Variants in PDE4B observed in about 807,000 individuals in gnomAD.
PDE4B encodes the protein phosphodiesterase 4B.
Under a neutral mutation model 82.2 loss-of-function variants are expected in PDE4B, and 20 were observed. That is an observed-to-expected ratio of 0.24 (90% confidence interval 0.17 to 0.35). The LOEUF (loss-of-function observed/expected upper bound fraction) is 0.35. PDE4B is among the 10% of genes least tolerant of loss of function. The probability of loss-of-function intolerance (pLI) is 1.00; values close to 1 mark genes in which losing one functional copy is unlikely to be tolerated. For synonymous variants in PDE4B, 320 were observed against 318.9 expected (o/e 1.00, Z -0.04); for missense variants, 655 against 907.2 (o/e 0.72, Z 3.57).
At chr1:66,083,697 C>A (rs2100969033) in intron 3 of PDE4B, among the ~76,000 whole-genome samples, 1 of 152,176 alleles carries the variant, frequency 6.6e-6, no homozygotes, top group East Asian at 1.9e-4. Flanking sequence ...ATACAAAAAC[C>A]TTAAATTATC....
chr1:66,195,936 A>G (rs1557625330), intron 3 of PDE4B, among the ~76,000 whole-genome samples: 1 of 150,212 alleles, frequency 6.7e-6, no homozygotes, highest in South Asian at 2.1e-4. Flanking sequence ...TTCTTCACCT[A>G]TTTTGTTAGT....
chr1:65,903,980 C>T (rs1324812683), intron 1 of PDE4B, among the ~76,000 whole-genome samples: 1 of 152,138 alleles, frequency 6.6e-6, no homozygotes, highest in Non-Finnish European at 1.5e-5. Flanking sequence ...TTATCTTCCT[C>T]TTATGAAGTC....
rs112579336 is a variant in PDE4B at position 66,319,961 on chromosome 1, T to G, written c.635-12547T>G. 3.9e-3 allele frequency among the ~76,000 whole-genome samples: 595 copies of G among 152,316 alleles called. 2 individuals are homozygous for G. Among genetic ancestry groups the G allele is most frequent in the African/African-American group, 0.014 (576 of 41,576 alleles). ...CAAAATTTGGCCCTGACCACACTAC[T>G]TTTGGAAGTTTATCCTACTCAACCC... On this transcript the variant is annotated intron_variant, in intron 7 of 16. Coordinates refer to ENST00000341517, the MANE Select transcript of PDE4B (RefSeq NM_002600.4).
intron 3 of PDE4B, among the ~76,000 whole-genome samples, chr1:66,181,289 C>A (rs1009235728): frequency 6.6e-6 from 1 of 152,098 alleles, no homozygotes; most frequent in African/African-American, 2.4e-5. Context: ...ACTTTAGATA[C>A]CCACCCTTGG....
At chr1:66,067,651 T>A (rs2100916142) in intron 3 of PDE4B, among the ~76,000 whole-genome samples, 1 of 152,272 alleles carries the variant, frequency 6.6e-6, no homozygotes. Context: ...CTGTTCACTC[T>A]GATGGTAGTT....
At position 66,243,250 on chromosome 1, in the gene PDE4B, G is replaced by GGGTCT. The variant is rs527340608; in HGVS notation, c.282-4208_282-4204dup. Among the ~76,000 whole-genome samples, 438 of 152,304 alleles carry GGGTCT rather than the reference G, an allele frequency of 2.9e-3. 2 individuals carry two copies. Among genetic ancestry groups the GGGTCT allele is most frequent in the African/African-American group, 0.01 (421 of 41,574 alleles). On this transcript the variant is annotated intron_variant, in intron 3 of 16. Transcript: ENST00000341517. The stretch of plus-strand genomic sequence containing the variant: ...GAAACAGCAGAAACACAAGGCAGTG[G>GGGTCT]GGTCTGAGGTGGGTATAGGGAAGCA...
intron 1 of PDE4B, among the ~76,000 whole-genome samples, chr1:65,813,893 C>G (rs1478340655): frequency 1.7e-4 from 18 of 103,350 alleles, no homozygotes; most frequent in Non-Finnish European, 2.0e-4. Flanking sequence ...GGCACTGCGG[C>G]AAAAAAAAAA....
chr1:66,101,482 C>T (rs1226012733), intron 3 of PDE4B, among the ~76,000 whole-genome samples: 1 of 152,218 alleles, frequency 6.6e-6, no homozygotes, highest in African/African-American at 2.4e-5. Flanking sequence ...TCCACATCCT[C>T]TCCAGCACCT....
At chr1:65,825,500 T>C (rs1646003124) in intron 1 of PDE4B, among the ~76,000 whole-genome samples, 1 of 152,170 alleles carries the variant, frequency 6.6e-6, no homozygotes, top group African/African-American at 2.4e-5. Flanking sequence ...ATCGATAGAA[T>C]CACATGTTGA....
intron 8 of PDE4B, among the ~76,000 whole-genome samples, chr1:66,346,458 T>C (rs1570741490): frequency 6.6e-6 from 1 of 152,218 alleles, no homozygotes; most frequent in Non-Finnish European, 1.5e-5. Context: ...TTTTACGGTT[T>C]AACTTAAGCA....
intron 3 of PDE4B, among the ~76,000 whole-genome samples, chr1:66,219,484 G>A (rs969580211): frequency 1.3e-5 from 2 of 152,130 alleles, no homozygotes; most frequent in Non-Finnish European, 2.9e-5. Flanking sequence ...TTCTGCCTGT[G>A]GTGTTAGAGA....
chr1:65,907,004 G>GA (rs1186463114), intron 1 of PDE4B, among the ~76,000 whole-genome samples: 5 of 152,090 alleles, frequency 3.3e-5, no homozygotes, highest in African/African-American at 1.2e-4. Context: ...TTACTTAATT[G>GA]AAAAAACTGA....
At chr1:65,976,764 G>A (rs557438018) in intron 3 of PDE4B, among the ~76,000 whole-genome samples, 6 of 152,274 alleles carry the variant, frequency 3.9e-5, no homozygotes, top group African/African-American at 1.4e-4. Flanking sequence ...GTGGTAAGAC[G>A]TGCTTGCTTC....
intron 3 of PDE4B, among the ~76,000 whole-genome samples, chr1:66,154,604 T>C (rs1265739382): frequency 1.3e-5 from 2 of 152,192 alleles, no homozygotes; most frequent in African/African-American, 2.4e-5. Context: ...CAATACATGA[T>C]CTGAAGTACC....
At chr1:65,812,643 T>G (rs749393019) in intron 1 of PDE4B, among the ~76,000 whole-genome samples, 2 of 152,210 alleles carry the variant, frequency 1.3e-5, no homozygotes, top group African/African-American at 2.4e-5. Context: ...ATGTTAATAT[T>G]TGTAGTAAAT....
At position 65,864,346 on chromosome 1, in the gene PDE4B, T is replaced by C. The variant is rs199664323; in HGVS notation, c.-70-48899T>C. 1.2e-4 allele frequency among the ~76,000 whole-genome samples: 18 copies of C among 152,216 alleles called. 1 individual carries two copies. The highest frequency in any genetic ancestry group is 3.4e-3 in the Middle Eastern group (1 of 294). ...AGAGGAGTTTGTTATTACCCACCTT[T>C]TGAAGCCTACTTCTGTCAATTCTTC... On this transcript the variant is annotated intron_variant, in intron 1 of 16. Transcript: ENST00000341517.
intron 3 of PDE4B, among the ~76,000 whole-genome samples, chr1:66,177,118 G>C (rs1412859528): frequency 6.6e-6 from 1 of 152,234 alleles, no homozygotes; most frequent in Non-Finnish European, 1.5e-5. Flanking sequence ...AGTGTGACAA[G>C]GGAGGCAGTC....
chr1:66,367,169 T>G lies in PDE4B; in HGVS notation c.1385-527T>G, dbSNP rs536278615. Among the ~76,000 whole-genome samples the G allele has an allele frequency of 2.3e-4, 35 of 152,282 alleles. No homozygotes were observed. In the South Asian group the frequency reaches 7.2e-3, roughly 32 times the overall value. ...AAAGTAGTAATGTTTAGTATCATAT[T>G]AATAGAAAGCTCTAAAAAGTGACAG... On this transcript the variant is annotated intron_variant, in intron 13 of 16. Coordinates refer to ENST00000341517, the MANE Select transcript of PDE4B (RefSeq NM_002600.4).
intron 3 of PDE4B, among the ~76,000 whole-genome samples, chr1:66,146,793 A>G (rs768857071): frequency 3.5e-4 from 54 of 152,228 alleles, no homozygotes; most frequent in Non-Finnish European, 1.6e-4. Flanking sequence ...TTTGTTTAAG[A>G]CACAAATCCT....
Sources: gnomAD v4.1 joint callset for allele counts (sites outside exome capture counted in the v4.1 genomes callset) on GRCh38, gnomAD v4.1.1 for gene constraint, MANE v1.5 for transcripts, NCBI Gene and HGNC (gene_info 2026-07-23, HGNC 2026-07-21) for gene names.